Variants in TFAP2A observed in about 807,000 individuals in gnomAD.
TFAP2A encodes the protein transcription factor AP-2 alpha.
A neutral mutation model predicts 41.5 loss-of-function variants in TFAP2A; 7 were observed. The observed-to-expected ratio is 0.17, with a 90% confidence interval of 0.10 to 0.32. The LOEUF (loss-of-function observed/expected upper bound fraction) is 0.32. Among genes scored for constraint, TFAP2A ranks in the 10% least tolerant of loss-of-function variants. The pLI is 1.00. For synonymous variants in TFAP2A, 247 were observed against 242.8 expected (o/e 1.02, Z -0.16); for missense variants, 416 against 563.3 (o/e 0.74, Z 2.65).
At chr6:10,405,120 G>A (rs902085500) in intron 3 of TFAP2A, 13 of 237,744 alleles carry the variant, frequency 5.5e-5, no homozygotes, top group African/African-American at 2.9e-4. Context: ...AGGGTGCAGG[G>A]GAGGGAATTA....
intron 2 of TFAP2A, chr6:10,408,987 G>A (rs140811715): frequency 1.3e-5 from 2 of 152,318 alleles, no homozygotes; most frequent in Non-Finnish European, 2.9e-5. Flanking sequence ...AGCCTTTACA[G>A]CTTTAATAAA....
At chr6:10,418,879 C>A (rs1758333979), upstream of TFAP2A, among the ~76,000 whole-genome samples, 1 of 152,176 alleles carries the variant, frequency 6.6e-6, no homozygotes, top group South Asian at 2.1e-4. Context: ...CGCGACCCAG[C>A]CATCTGGACC....
rs1761836680 is a variant in TFAP2A at position 10,397,915 on chromosome 6, T to C, written c.*502A>G. 1 of 148,286 alleles carries C rather than the reference T, an allele frequency of 6.7e-6. No individual in the cohort carries two copies. The highest frequency in any genetic ancestry group is 1.3e-5 in the Non-Finnish European group (1 of 78,446). The allele number at this position is 148,286 out of a possible 1,614,324, so 9.2% of individuals were successfully genotyped here. A position where few individuals can be genotyped will look rare whatever the true frequency, so the allele number is the denominator to read the frequency against. ...AAAAATGTTGTCATCATCTTTTGGC[T>C]TTTTTTTTTTTTTTAAGTATGGCTA... On this transcript the variant is annotated 3_prime_UTR_variant, in exon 7 of 7. Transcript: ENST00000379613.
At chr6:10,404,845 CCA>C in intron 3 of TFAP2A, 106 bp from the exon 4 acceptor site, 1 of 980,828 alleles carries the variant, frequency 1.0e-6, no homozygotes, top group East Asian at 2.5e-5. Context: ...AGGCTTTGGG[CCA>C]CAGTCCCCGC....
intron 2 of TFAP2A, chr6:10,407,254 C>G: frequency 4.0e-6 from 1 of 252,206 alleles, no homozygotes; most frequent in Non-Finnish European, 7.7e-6. Flanking sequence ...CAGGGAAACA[C>G]AATAGAAATG....
At position 10,398,084 on chromosome 6, in the gene TFAP2A, A is replaced by G; in HGVS notation, c.*333T>C. The G allele has an allele frequency of 1.3e-6, 1 of 795,642 alleles. No homozygotes were observed. The highest frequency in any genetic ancestry group is 1.5e-6 in the Non-Finnish European group (1 of 669,934). 49.3% of individuals were successfully genotyped at this position (795,642 alleles called of 1,614,324 possible). Reference sequence around the variant, plus strand: ...CTGTTGTTGATTTGTTGTTTTGTTTAAAAAAAAAAGGGTTCACAAACTTGG... The same window carrying G: ...CTGTTGTTGATTTGTTGTTTTGTTTGAAAAAAAAAGGGTTCACAAACTTGG... On this transcript the variant is annotated 3_prime_UTR_variant, in exon 7 of 7. Coordinates refer to ENST00000379613, the MANE Select transcript of TFAP2A (RefSeq NM_001372066.1). The surrounding 1 kb of genome is among the most constrained non-coding windows in gnomAD (Gnocchi z 5.3).
Position 10,402,577 on chromosome 6 carries a change from T to A in TFAP2A, c.804A>T (p.Arg268Ser). ...TTAATCCTATTTTGTCCAGTTTTTC[T>A]CTTAAAGATCTTCCTCCATTTTTAG... is the stretch of plus-strand genomic sequence containing the variant. ...AKSKNGGRSLREKLDKIGLNL... is the reference protein window; with the variant it reads ...AKSKNGGRSLSEKLDKIGLNL... Residue 268 changes from arginine (R) to serine (S), a missense_variant, in exon 5 of 7, where the codon AGA (arginine) becomes AGT (serine). Arg to Ser is a moderately radical substitution (Grantham distance 110). Coordinates refer to ENST00000379613, the MANE Select transcript of TFAP2A (RefSeq NM_001372066.1). 6.2e-7 allele frequency: 1 copy of A among 1,614,110 alleles called. No homozygotes were observed. Among genetic ancestry groups the A allele is most frequent in the Non-Finnish European group, 8.5e-7 (1 of 1,179,978 alleles).
At chr6:10,405,707 T>G (rs1757682131) in intron 3 of TFAP2A, 1 of 152,198 alleles carries the variant, frequency 6.6e-6, no homozygotes, top group Non-Finnish European at 1.5e-5. Flanking sequence ...AAAATTCCAT[T>G]TGGAGACATC....
chr6:10,399,920 C>CTCTG (rs1416387650), intron 6 of TFAP2A, among the ~76,000 whole-genome samples: 11 of 117,912 alleles, frequency 9.3e-5, no homozygotes, highest in African/African-American at 4.0e-4. Flanking sequence ...CTCTCTCTCT[C>CTCTG]TGTCTGTGTG....
chr6:10,412,325 G>A (rs1336670482), intron 1 of TFAP2A: 3 of 982,104 alleles, frequency 3.1e-6, no homozygotes, highest in African/African-American at 1.8e-5. Flanking sequence ...GAGGCAGAGA[G>A]GGAGACCGAA....
chr6:10,418,106 T>G (rs1271632909), upstream of TFAP2A: 1 of 152,256 alleles, frequency 6.6e-6, no homozygotes, highest in African/African-American at 2.4e-5. Context: ...GGGATTTGTC[T>G]CTGGTATGGG....
At chr6:10,419,182 C>CCCGGCG (rs1278083257), upstream of TFAP2A, among the ~76,000 whole-genome samples, 1 of 152,194 alleles carries the variant, frequency 6.6e-6, no homozygotes, top group Non-Finnish European at 1.5e-5. Flanking sequence ...GCCGGACTTC[C>CCCGGCG]CCGGCGCCGG....
At chr6:10,416,495 G>A (rs1758250177), upstream of TFAP2A, 1 of 151,886 alleles carries the variant, frequency 6.6e-6, no homozygotes, top group Non-Finnish European at 1.5e-5. Flanking sequence ...TTTCCTGGCT[G>A]AGCTTCCTCG....
At chr6:10,414,604 C>A (rs1353578695) in intron 1 of TFAP2A, 1 of 502,254 alleles carries the variant, frequency 2.0e-6, no homozygotes, top group Non-Finnish European at 3.6e-6. Context: ...GAAGATAACA[C>A]GAGGAGTGCA....
At chr6:10,410,410 T>C (rs1468022229) in intron 1 of TFAP2A, 75 bp from the exon 2 acceptor site, 1 of 1,446,958 alleles carries the variant, frequency 6.9e-7, no homozygotes, top group Non-Finnish European at 9.5e-7. Flanking sequence ...CAAAATCCAC[T>C]TGACAAGTCT....
rs1274422034 is a variant in TFAP2A, at chr6:10,398,584, A to T, written c.1153T>A (p.Ser385Thr). Reference sequence around the variant, plus strand: ...ACCGCGGGGCTGCCGAAGCCGTGGGAGATGAGGTTGAAGTGGGTCAAGCAG... The same window carrying T: ...ACCGCGGGGCTGCCGAAGCCGTGGGTGATGAGGTTGAAGTGGGTCAAGCAG... Reference protein sequence around the residue: ...QSCLTHFNLISHGFGSPAVCA... With the variant: ...QSCLTHFNLITHGFGSPAVCA... The change falls in exon 7 of 7, where the codon TCC becomes ACC. Residue 385 changes from serine (S) to threonine (T), a missense_variant. This residue lies in a region of TFAP2A where 116 missense variants were observed against 153.8 expected (regional missense o/e 0.75). Coordinates refer to ENST00000379613, the MANE Select transcript of TFAP2A (RefSeq NM_001372066.1). This position sits in a 1 kb window ranked among gnomAD's most constrained non-coding sequence, Gnocchi z 5.3. 4.3e-6 allele frequency: 7 copies of T among 1,613,952 alleles called. No homozygotes were observed. Among genetic ancestry groups the T allele is most frequent in the Non-Finnish European group, 5.9e-6 (7 of 1,180,012 alleles).
At chr6:10,415,840 T>C (rs1008220435), upstream of TFAP2A, 2 of 152,280 alleles carry the variant, frequency 1.3e-5, no homozygotes, top group Non-Finnish European at 2.9e-5. Flanking sequence ...TTCCCCCAGG[T>C]TGGAGATTCT....
rs1024708087 is a variant in TFAP2A at position 10,398,274 on chromosome 6, G to GGGCAGCGGC, written c.*134_*142dup. The GGGCAGCGGC allele has an allele frequency of 1.2e-5, 19 of 1,566,356 alleles. No individual in the cohort carries two copies. The highest frequency in any genetic ancestry group is 1.6e-5 in the Non-Finnish European group (18 of 1,160,916). The stretch of plus-strand genomic sequence containing the variant: ...GTCCCGGAGACTCGGGGGGACCCAA[G>GGGCAGCGGC]GGCAGCGGCGGCGGCGGCGGCGGCA... On this transcript the variant is annotated 3_prime_UTR_variant, in exon 7 of 7. Transcript: ENST00000379613. This position sits in a 1 kb window ranked among gnomAD's most constrained non-coding sequence, Gnocchi z 5.3.
Position 10,404,577 on chromosome 6 carries a change from G to T in TFAP2A, c.701C>A (p.Ala234Glu). The change falls in exon 4 of 7, where the codon GCG (alanine) becomes GAG (glutamate). Residue 234 changes from alanine (A) to glutamate (E), a missense_variant. This residue lies in a region of TFAP2A where 59 missense variants were observed against 135.4 expected (regional missense o/e 0.44). Coordinates refer to ENST00000379613, the MANE Select transcript of TFAP2A (RefSeq NM_001372066.1). Reference protein sequence around the residue: ...SSTSKYKVTVAEVQRRLSPPE... With the variant: ...SSTSKYKVTVEEVQRRLSPPE... ...TGGTGAGAGCCGCCGCTGCACTTCC[G>T]CCACCGTGACCTTGTACTTCGAGGT... 2 of 1,614,108 alleles carry T rather than the reference G, an allele frequency of 1.2e-6. No homozygotes were observed. The highest frequency in any genetic ancestry group is 1.7e-6 in the Non-Finnish European group (2 of 1,179,992).
Sources: gnomAD v4.1 joint callset for allele counts (sites outside exome capture counted in the v4.1 genomes callset) on GRCh38, gnomAD v4.1.1 for gene constraint, gnomAD v4.1.1 regional missense constraint, Gnocchi (gnomAD v3.1) non-coding constraint, MANE v1.5 for transcripts, NCBI Gene and HGNC (gene_info 2026-07-23, HGNC 2026-07-21) for gene names.